RAB3IL1: variants seen among roughly 807,000 people sequenced by gnomAD.
RAB3IL1 encodes the protein RAB3A interacting protein like 1.
A neutral mutation model predicts 49.2 loss-of-function variants in RAB3IL1; 37 were observed. The observed-to-expected ratio is 0.75, with a 90% CI of 0.58 to 0.99. The LOEUF (loss-of-function observed/expected upper bound fraction) is 0.99. Ranked by LOEUF, RAB3IL1 falls within the 50% of genes least tolerant of loss-of-function variation. The probability of loss-of-function intolerance (pLI) is 0.00; values close to 1 mark genes in which losing one functional copy is unlikely to be tolerated. For missense variants in RAB3IL1, 484 were observed against 513.0 expected, an observed-to-expected ratio of 0.94 and a Z score of 0.55; for synonymous variants, 193 against 213.9, an observed-to-expected ratio of 0.90 and a Z score of 0.85.
In RAB3IL1 at chr11:61,917,547, C is replaced by T; in HGVS notation, c.-180G>A. The T allele has an allele frequency of 2.7e-6, 3 of 1,105,750 alleles. No homozygotes were observed. The South Asian group carries it at 1.3e-4, about 48-fold the overall frequency. 68.5% of individuals were successfully genotyped at this position (1,105,750 alleles called of 1,614,324 possible). ...CTCGCGGCCCCCAGCCCAGCCCCGACCCTGCCCTGGGCGGGTCACGTGGCG... is the reference window on the plus strand; with the variant it reads ...CTCGCGGCCCCCAGCCCAGCCCCGATCCTGCCCTGGGCGGGTCACGTGGCG... On this transcript the variant is annotated 5_prime_UTR_variant, in exon 1 of 10. Coordinates refer to ENST00000394836, the MANE Select transcript of RAB3IL1 (RefSeq NM_013401.4).
chr11:61,917,336 C>A, intron 1 of RAB3IL1, 21 bp downstream of exon 1: 2 of 1,313,440 alleles, frequency 1.5e-6, no homozygotes, highest in Non-Finnish European at 9.7e-7. Flanking sequence ...AGCGCGGGAC[C>A]GCGAGCGCGC....
rs174474 is a variant in RAB3IL1 at position 61,904,793 on chromosome 11, T to C, written c.747A>G (p.Arg249=). 0.25 allele frequency: 400,196 copies of C among 1,607,920 alleles called. 53,648 individuals carry two copies. The highest frequency in any genetic ancestry group is 0.47 in the South Asian group (42,158 of 90,188). ...AGTCCAGGCAGGGGCCCACGTCCTC[T>C]CGGTACACCCTTTCCAGGAAGGGGC... ...KTCPFLERVY[R]EDVGPCLDFT... The change falls in exon 6 of 10, where the codon CGA becomes CGG. Residue 249 remains arginine (R), a synonymous_variant. Transcript: ENST00000394836.
chr11:61,929,221 A>AAT, the RAB3IL1 span, among the ~76,000 whole-genome samples: 1 of 152,184 alleles, frequency 6.6e-6, no homozygotes, highest in Non-Finnish European at 1.5e-5. Flanking sequence ...AGTTATTGTT[A>AAT]ATATATACAT....
the RAB3IL1 span, among the ~76,000 whole-genome samples, chr11:61,935,419 C>CAAAA: frequency 1.0e-5 from 1 of 97,024 alleles, no homozygotes; most frequent in African/African-American, 3.9e-5. Context: ...GACTGTGTCT[C>CAAAA]AAAAAAAAAA....
At chr11:61,917,238 G>T in intron 1 of RAB3IL1, 119 bp downstream of exon 1, 1 of 1,282,480 alleles carries the variant, frequency 7.8e-7, no homozygotes, top group South Asian at 2.2e-5. Context: ...GGCAGGGCGG[G>T]GGCGCACAGC....
chr11:61,936,304 G>A, the RAB3IL1 span, among the ~76,000 whole-genome samples: 1 of 152,176 alleles, frequency 6.6e-6, no homozygotes, highest in Non-Finnish European at 1.5e-5. Flanking sequence ...CATTCAATAA[G>A]CCTAATGAAT....
At chr11:61,916,840 G>A (rs2081959352) in intron 1 of RAB3IL1, among the ~76,000 whole-genome samples, 2 of 152,146 alleles carry the variant, frequency 1.3e-5, no homozygotes, top group South Asian at 4.1e-4. Flanking sequence ...GCGGGGCCGG[G>A]GCGGGGGGGG....
chr11:61,920,148 T>C, upstream of RAB3IL1: 1 of 1,337,260 alleles, frequency 7.5e-7, no homozygotes, highest in Non-Finnish European at 9.7e-7. Flanking sequence ...ACACGGGACA[T>C]GTCCCTCGGG....
At chr11:61,916,530 G>A (rs573692463) in intron 1 of RAB3IL1, among the ~76,000 whole-genome samples, 3 of 152,266 alleles carry the variant, frequency 2.0e-5, no homozygotes, top group Admixed American at 6.5e-5. Context: ...CTCCCCAGCT[G>A]TAGCTGGGCA....
At chr11:61,902,058 T>A (rs961164012) in intron 8 of RAB3IL1, among the ~76,000 whole-genome samples, 3 of 152,188 alleles carry the variant, frequency 2.0e-5, no homozygotes, top group Non-Finnish European at 4.4e-5. Flanking sequence ...CTCACACCTA[T>A]AATCCCAGCA....
At chr11:61,904,684 G>C (rs761819031) in intron 6 of RAB3IL1, 26 bp from the exon 7 acceptor site, 2 of 1,599,046 alleles carry the variant, frequency 1.3e-6, no homozygotes, top group Non-Finnish European at 1.7e-6. Context: ...GAGGCAGGCA[G>C]GGTGGTAAGG....
the RAB3IL1 span, among the ~76,000 whole-genome samples, chr11:61,936,487 T>C: frequency 1 from 152,297 of 152,350 alleles, 76,122 homozygotes; most frequent in Non-Finnish European, 1. Flanking sequence ...CTGTAACATC[T>C]GCCTCCTCCG....
In RAB3IL1 at chr11:61,908,279, C is replaced by CA; in HGVS notation, c.38_39insT (p.Pro14AlafsTer85). On this transcript the variant is annotated frameshift_variant, in exon 2 of 10. Coordinates refer to ENST00000394836, the MANE Select transcript of RAB3IL1 (RefSeq NM_013401.4). LOFTEE classifies it high-confidence loss of function. ...GGACCGGGACAGCTGCAAGGGGCGG[C>CA]GGGAGGCCCTGGTCTGGCTGGGGTG... 6.7e-7 allele frequency: 1 copy of CA among 1,496,944 alleles called. No individual in the cohort carries two copies. The highest frequency in any genetic ancestry group is 1.3e-5 in the South Asian group (1 of 76,092). 92.7% of individuals were successfully genotyped at this position (1,496,944 alleles called of 1,614,324 possible). A position where few individuals can be genotyped will look rare whatever the true frequency, so the allele number is the denominator to read the frequency against.
At chr11:61,908,975 C>T (rs1939342140) in intron 1 of RAB3IL1, among the ~76,000 whole-genome samples, 1 of 152,188 alleles carries the variant, frequency 6.6e-6, no homozygotes, top group South Asian at 2.1e-4. Context: ...GCCTCAGGAC[C>T]CTCCCTTCCC....
At chr11:61,940,711 G>A in the RAB3IL1 span, among the ~76,000 whole-genome samples, 2 of 151,846 alleles carry the variant, frequency 1.3e-5, no homozygotes. Context: ...TCACTTGTCA[G>A]GGGTTTGAGA....
chr11:61,912,939 T>G (rs956675420), intron 1 of RAB3IL1, among the ~76,000 whole-genome samples: 7 of 151,848 alleles, frequency 4.6e-5, no homozygotes, highest in African/African-American at 1.5e-4. Context: ...GCAATAACAA[T>G]AATTAAGATA....
chr11:61,941,760 G>T, the RAB3IL1 span, among the ~76,000 whole-genome samples: 1 of 151,404 alleles, frequency 6.6e-6, no homozygotes, highest in African/African-American at 2.4e-5. Context: ...TCAAAAAAAA[G>T]AAGGAATATA....
At chr11:61,914,686 C>T (rs988894700) in intron 1 of RAB3IL1, among the ~76,000 whole-genome samples, 9 of 152,054 alleles carry the variant, frequency 5.9e-5, no homozygotes, top group Middle Eastern at 3.2e-3. Context: ...CAGCCACTGC[C>T]GCCCACCCCA....
chr11:61,915,821 A>G (rs1025393266), intron 1 of RAB3IL1, among the ~76,000 whole-genome samples: 8 of 150,810 alleles, frequency 5.3e-5, no homozygotes, highest in Admixed American at 3.3e-4. Flanking sequence ...GCGGATCACA[A>G]GGTCAGGAGA....
Sources: gnomAD v4.1 joint callset for allele counts (sites outside exome capture counted in the v4.1 genomes callset) on GRCh38, gnomAD v4.1.1 for gene constraint, MANE v1.5 for transcripts, NCBI Gene and HGNC (gene_info 2026-07-23, HGNC 2026-07-21) for gene names.